ARHGDIB: variants seen among roughly 807,000 people sequenced by gnomAD.
The protein encoded by ARHGDIB is Rho GDP dissociation inhibitor beta.
ARHGDIB carries 20 observed loss-of-function variants against 22.6 expected under a neutral mutation model. That is an observed-to-expected ratio of 0.88 (90% CI 0.62 to 1.28). The LOEUF is 1.28. ARHGDIB is among the 50% of genes most tolerant of loss of function. The pLI, the probability that ARHGDIB is intolerant of heterozygous loss-of-function variation, is 0.00. For synonymous variants in ARHGDIB, 114 were observed against 96.1 expected (o/e 1.19, Z -1.09); for missense variants, 254 against 245.4 (o/e 1.04, Z -0.23).
Position 14,942,578 on chromosome 12 carries a change from G to C in ARHGDIB, c.550C>G (p.Gln184Glu), listed in dbSNP as rs1225767532. 6.2e-7 allele frequency: 1 copy of C among 1,614,058 alleles called. No individual in the cohort carries two copies. Among genetic ancestry groups the C allele is most frequent in the Non-Finnish European group, 8.5e-7 (1 of 1,180,044 alleles). ...NKSFFTDDDK[Q>E]DHLSWEWNLS... ...TTCCACTCCCAGCTGAGGTGGTCTT[G>C]CTTGTCATCGTCGGTGAAGAAGGAC... is the stretch of plus-strand genomic sequence containing the variant. The change falls in exon 6 of 6, where the codon CAA becomes GAA. Residue 184 changes from glutamine to glutamate, a missense_variant. Coordinates refer to ENST00000228945, the MANE Select transcript of ARHGDIB (RefSeq NM_001175.7).
At chr12:14,943,980 T>C (rs1038949639) in intron 5 of ARHGDIB, among the ~76,000 whole-genome samples, 2 of 152,182 alleles carry the variant, frequency 1.3e-5, no homozygotes, top group Admixed American at 6.5e-5. Flanking sequence ...TGGTCTTCTC[T>C]GGGATTTGAG....
At chr12:14,948,975 T>A (rs1005683216) in intron 3 of ARHGDIB, 3 of 152,390 alleles carry the variant, frequency 2.0e-5, no homozygotes, top group Admixed American at 6.5e-5. Context: ...AAAAAGCCCA[T>A]ATAAGGTAAA....
rs773521470 is a variant in ARHGDIB at position 14,950,623 on chromosome 12, C to G, written c.90G>C (p.Lys30Asn). Residue 30 changes from lysine (K) to asparagine (N), a missense_variant, in exon 2 of 6, where the codon AAG becomes AAC. Coordinates refer to ENST00000228945, the MANE Select transcript of ARHGDIB (RefSeq NM_001175.7). Reference sequence around the variant, plus strand: ...CCATTTCCTGCAGCTCTTTCAGGGACTTCTGTGGTGGAGGCTTATAATTGA... The same window carrying G: ...CCATTTCCTGCAGCTCTTTCAGGGAGTTCTGTGGTGGAGGCTTATAATTGA... ...SKLNYKPPPQ[K>N]SLKELQEMDK... 1 of 1,614,060 alleles carries G rather than the reference C, an allele frequency of 6.2e-7. No homozygotes were observed. The highest frequency in any genetic ancestry group is 1.1e-5 in the South Asian group (1 of 91,082).
chr12:14,944,903 A>G, intron 4 of ARHGDIB, 64 bp from the exon 5 acceptor site: 4 of 1,417,236 alleles, frequency 2.8e-6, no homozygotes, highest in Non-Finnish European at 4.0e-6. Context: ...CTCATCTTTC[A>G]TGCTGATCCT....
chr12:14,947,357 A>T (rs1864042545), intron 4 of ARHGDIB, among the ~76,000 whole-genome samples: 1 of 152,184 alleles, frequency 6.6e-6, no homozygotes, highest in African/African-American at 2.4e-5. Flanking sequence ...TTTAGCAAAG[A>T]TCACACTTCC....
intron 1 of ARHGDIB, among the ~76,000 whole-genome samples, chr12:14,958,456 T>C (rs966999537): frequency 6.6e-6 from 1 of 152,178 alleles, no homozygotes; most frequent in Non-Finnish European, 1.5e-5. Context: ...GAGAAACAAT[T>C]TATTATTTCT....
chr12:14,949,836 C>G lies in ARHGDIB; in HGVS notation c.231G>C (p.Glu77Asp). The G allele has an allele frequency of 1.9e-6, 3 of 1,613,760 alleles. No individual in the cohort carries two copies. The highest frequency in any genetic ancestry group is 2.5e-6 in the Non-Finnish European group (3 of 1,179,748). ...VVVTRLTLVCESAPGPITMDL... is the reference protein window; with the variant it reads ...VVVTRLTLVCDSAPGPITMDL... ...CCATGGTGATTGGTCCCGGGGCACT[C>G]TCACAAACCAGGGTGAGCCGGGTGA... The change falls in exon 3 of 6, where the codon GAG becomes GAC. Residue 77 changes from glutamate to aspartate, a missense_variant. Transcript: ENST00000228945.
chr12:14,947,990 G>A, intron 3 of ARHGDIB, 41 bp from the exon 4 acceptor site: 1 of 1,525,632 alleles, frequency 6.6e-7, no homozygotes, highest in Non-Finnish European at 9.1e-7. Flanking sequence ...CTCAAAAGCA[G>A]ATACACAAGT....
chr12:14,953,820 T>TCTCG (rs1406548311), intron 1 of ARHGDIB, among the ~76,000 whole-genome samples: 1 of 140,754 alleles, frequency 7.1e-6, no homozygotes, highest in African/African-American at 2.8e-5. Context: ...TTTTGCTTGC[T>TCTCG]CTCTCTCTCT....
At chr12:14,959,179 G>A (rs1864360473) in intron 1 of ARHGDIB, among the ~76,000 whole-genome samples, 1 of 152,170 alleles carries the variant, frequency 6.6e-6, no homozygotes, top group South Asian at 2.1e-4. Flanking sequence ...AGGACTTTGG[G>A]AGGCCAAGGC....
At chr12:14,943,387 TTTTTGTTG>T (rs1863923898) in intron 5 of ARHGDIB, among the ~76,000 whole-genome samples, 1 of 93,310 alleles carries the variant, frequency 1.1e-5, no homozygotes, top group African/African-American at 4.2e-5. Flanking sequence ...GTTTTTTTTT[TTTTTGTTG>T]TTGTTGTTGT....
intron 1 of ARHGDIB, among the ~76,000 whole-genome samples, chr12:14,952,612 T>C (rs879435202): frequency 6.6e-6 from 1 of 152,142 alleles, no homozygotes; most frequent in Admixed American, 6.5e-5. Flanking sequence ...CGTGTAGATG[T>C]TGTAGGTTGT....
chr12:14,948,533 G>A, intron 3 of ARHGDIB, among the ~76,000 whole-genome samples: 1 of 152,070 alleles, frequency 6.6e-6, no homozygotes, highest in Non-Finnish European at 1.5e-5. Flanking sequence ...TTTTTCTTAA[G>A]GAATATCACT....
At chr12:14,960,944 T>C (rs541869868) in intron 1 of ARHGDIB, among the ~76,000 whole-genome samples, 1 of 152,340 alleles carries the variant, frequency 6.6e-6, no homozygotes, top group South Asian at 2.1e-4. Context: ...ACTTCCTCTT[T>C]GAGGGATAAA....
At chr12:14,958,423 T>C (rs184729611) in intron 1 of ARHGDIB, among the ~76,000 whole-genome samples, 268 of 152,322 alleles carry the variant, frequency 1.8e-3, no homozygotes, top group African/African-American at 6.3e-3. Context: ...AGAAACGTAA[T>C]TTCTTACCAT....
At chr12:14,943,803 G>A (rs1201013174) in intron 5 of ARHGDIB, among the ~76,000 whole-genome samples, 2 of 152,232 alleles carry the variant, frequency 1.3e-5, no homozygotes, top group Non-Finnish European at 2.9e-5. Context: ...GTGGCATATA[G>A]TTGGCTAAGT....
In ARHGDIB at chr12:14,959,982, G is replaced by A. The variant is rs1861696; in HGVS notation, c.-13+1555C>T. On this transcript the variant is annotated intron_variant, in intron 1 of 5. Coordinates refer to ENST00000228945, the MANE Select transcript of ARHGDIB (RefSeq NM_001175.7). ...CAAATTAAAAAAACACAAAGCCAATGGCAAGATTCACGATGCCTGCTAGGG... is the reference window on the plus strand; with the variant it reads ...CAAATTAAAAAAACACAAAGCCAATAGCAAGATTCACGATGCCTGCTAGGG... Among the ~76,000 whole-genome samples the A allele has an allele frequency of 6.7e-4, 102 of 152,292 alleles. 3 individuals are homozygous for A. In the East Asian group the frequency reaches 0.018, roughly 27 times the overall value.
chr12:14,942,930 A>G (rs1489488068), intron 5 of ARHGDIB, among the ~76,000 whole-genome samples: 1 of 151,736 alleles, frequency 6.6e-6, no homozygotes, highest in East Asian at 1.9e-4. Context: ...GTGCGGAAGC[A>G]CAATCTCGGC....
chr12:14,957,409 C>G (rs967722770), intron 1 of ARHGDIB, among the ~76,000 whole-genome samples: 1 of 152,188 alleles, frequency 6.6e-6, no homozygotes, highest in South Asian at 2.1e-4. Context: ...CAAATACTTT[C>G]CCCTGGATGG....
Sources: allele counts gnomAD v4.1 joint callset (sites outside exome capture counted in the v4.1 genomes callset), GRCh38; gene constraint gnomAD v4.1.1; transcripts MANE v1.5; gene names NCBI Gene and HGNC (gene_info 2026-07-23, HGNC 2026-07-21).